The following FYN variants were observed in gnomAD, a reference collection of about 807,000 sequenced individuals.
FYN encodes the protein FYN proto-oncogene, Src family tyrosine kinase.
A neutral mutation model predicts 70.2 loss-of-function variants in FYN; 10 were observed. The observed-to-expected ratio is 0.14, with a 90% CI of 0.09 to 0.24. FYN has a LOEUF of 0.24. Among genes scored for constraint, FYN ranks in the 10% least tolerant of loss-of-function variants. The probability of loss-of-function intolerance (pLI) is 1.00; values close to 1 mark genes in which losing one functional copy is unlikely to be tolerated. For missense variants in FYN, 319 were observed against 673.1 expected (o/e 0.47, Z 5.82); for synonymous variants, 236 against 248.6 (o/e 0.95, Z 0.48).
rs556476437 is a variant in FYN at position 111,774,577 on chromosome 6, A to C, written c.-12+5989T>G. ...CAACAAACCCCTCCCCATCCCCCCC[A>C]CACACTCCCAAATGCCTCCTGCCTT... On this transcript the variant is annotated intron_variant, in intron 3 of 13. Coordinates refer to ENST00000354650, the MANE Select transcript of FYN (RefSeq NM_002037.5). 2.3e-4 allele frequency among the ~76,000 whole-genome samples: 34 copies of C among 145,848 alleles called. 1 individual carries two copies. In the South Asian group the frequency reaches 6.7e-3, roughly 29 times the overall value.
At chr6:111,682,951 G>A (rs1798838958) in intron 12 of FYN, among the ~76,000 whole-genome samples, 1 of 152,146 alleles carries the variant, frequency 6.6e-6, no homozygotes, top group African/African-American at 2.4e-5. Context: ...GAGTTGCACT[G>A]GCAAATGCCA....
intron 3 of FYN, among the ~76,000 whole-genome samples, chr6:111,764,242 A>AG (rs745399670): frequency 0.013 from 1,833 of 146,484 alleles, 15 homozygotes; most frequent in Non-Finnish European, 0.02. Flanking sequence ...AGAAAAGAAA[A>AG]AAAAAGAAAG....
In FYN at chr6:111,732,853, C is replaced by G. The variant is rs548197279; in HGVS notation, c.-11-12791G>C. Among the ~76,000 whole-genome samples the G allele has an allele frequency of 7.9e-5, 12 of 152,286 alleles. No individual in the cohort carries two copies. The East Asian group carries it at 1.5e-3, about 20-fold the overall frequency. ...CAGCAGGACCACAGGATGGAAGGAA[C>G]CTGGGCCCCGGACAGCTTCACGGAG... On this transcript the variant is annotated intron_variant, in intron 3 of 13. Coordinates refer to ENST00000354650, the MANE Select transcript of FYN (RefSeq NM_002037.5).
chr6:111,800,484 G>C (rs765759918), intron 2 of FYN, among the ~76,000 whole-genome samples: 4 of 152,066 alleles, frequency 2.6e-5, no homozygotes, highest in Non-Finnish European at 5.9e-5. Flanking sequence ...ATATGAGGAA[G>C]GGAGGAAAAG....
At chr6:111,720,617 T>C (rs1225558668) in intron 3 of FYN, among the ~76,000 whole-genome samples, 1 of 152,134 alleles carries the variant, frequency 6.6e-6, no homozygotes, top group Non-Finnish European at 1.5e-5. Context: ...ACTAAGATGA[T>C]GCTAAGTATC....
At chr6:111,700,315 C>G in intron 8 of FYN, 47 bp from the exon 9 acceptor site, 1 of 1,591,512 alleles carries the variant, frequency 6.3e-7, no homozygotes, top group Non-Finnish European at 8.6e-7. Flanking sequence ...GAGCAGAACA[C>G]ATGTAATGAC....
At chr6:111,857,423 T>C (rs1773850414) in intron 1 of FYN, among the ~76,000 whole-genome samples, 1 of 152,182 alleles carries the variant, frequency 6.6e-6, no homozygotes, top group Non-Finnish European at 1.5e-5. Flanking sequence ...TGGAAAACTC[T>C]GCCGCTTAAG....
chr6:111,843,065 C>T (rs1263853776), intron 2 of FYN, among the ~76,000 whole-genome samples: 3 of 152,186 alleles, frequency 2.0e-5, no homozygotes, highest in Non-Finnish European at 4.4e-5. Flanking sequence ...ATATTTGTGG[C>T]CTGAACGCAG....
intron 7 of FYN, 32 bp downstream of exon 7, chr6:111,703,967 G>A: frequency 6.5e-7 from 1 of 1,543,668 alleles, no homozygotes; most frequent in Non-Finnish European, 9.0e-7. Context: ...AGATTTGAAT[G>A]ACAAGCCAAC....
intron 3 of FYN, among the ~76,000 whole-genome samples, chr6:111,775,780 T>C (rs1444426453): frequency 6.6e-6 from 1 of 152,162 alleles, no homozygotes; most frequent in African/African-American, 2.4e-5. Flanking sequence ...CCAGGATCTG[T>C]GCGTTTAATG....
chr6:111,688,646 C>T (rs777830843), intron 12 of FYN, among the ~76,000 whole-genome samples: 71 of 151,732 alleles, frequency 4.7e-4, no homozygotes, highest in Non-Finnish European at 7.5e-4. Flanking sequence ...GCTCATGCAG[C>T]GTGTGTGTGC....
chr6:111,728,761 G>C (rs1404663460), intron 3 of FYN, among the ~76,000 whole-genome samples: 3 of 152,034 alleles, frequency 2.0e-5, no homozygotes, highest in African/African-American at 7.3e-5. Flanking sequence ...ATGGACATTT[G>C]GGTTTTTACG....
intron 2 of FYN, among the ~76,000 whole-genome samples, chr6:111,824,305 C>T (rs1772764823): frequency 6.6e-6 from 1 of 152,102 alleles, no homozygotes. Context: ...TAAGGGGCAA[C>T]GTGGATGATG....
chr6:111,833,112 C>A (rs1460861453), intron 2 of FYN, among the ~76,000 whole-genome samples: 1 of 152,188 alleles, frequency 6.6e-6, no homozygotes, highest in Non-Finnish European at 1.5e-5. Flanking sequence ...TTAGAACTTA[C>A]AAATGAAGCC....
intron 12 of FYN, 52 bp from the exon 13 acceptor site, chr6:111,674,682 ATGGGGTG>A (rs1446324241): frequency 6.3e-7 from 1 of 1,582,550 alleles, no homozygotes; most frequent in South Asian, 1.1e-5. Context: ...TGCAATGGGC[ATGGGGTG>A]TGGGAGGGAA....
chr6:111,791,874 T>C (rs1418917485), intron 2 of FYN, among the ~76,000 whole-genome samples: 1 of 152,192 alleles, frequency 6.6e-6, no homozygotes, highest in Non-Finnish European at 1.5e-5. Flanking sequence ...CCGTATACCA[T>C]GCAAAAATTA....
chr6:111,724,389 C>T (rs148405823), intron 3 of FYN, among the ~76,000 whole-genome samples: 4 of 152,326 alleles, frequency 2.6e-5, no homozygotes, highest in Admixed American at 6.5e-5. Context: ...TCTGGTTGAA[C>T]ATACACTCCC....
intron 6 of FYN, among the ~76,000 whole-genome samples, chr6:111,707,147 A>G (rs866451281): frequency 2.0e-5 from 3 of 152,240 alleles, no homozygotes. Flanking sequence ...CCAAGGTGTC[A>G]GGAGGAGGCC....
chr6:111,854,054 G>A (rs981396114), intron 1 of FYN, among the ~76,000 whole-genome samples: 1 of 152,150 alleles, frequency 6.6e-6, no homozygotes. Flanking sequence ...GCCTGTTGTC[G>A]CAGCAGACAG....
Sources: allele counts gnomAD v4.1 joint callset (sites outside exome capture counted in the v4.1 genomes callset), GRCh38; gene constraint gnomAD v4.1.1; transcripts MANE v1.5; gene names NCBI Gene and HGNC (gene_info 2026-07-23, HGNC 2026-07-21).